The following STK3 variants were observed in gnomAD, a reference collection of about 807,000 sequenced individuals.
STK3 encodes the protein serine/threonine kinase 3.
STK3 carries 41 observed loss-of-function variants against 58.0 expected under a neutral mutation model. That is an observed-to-expected ratio of 0.71 (90% confidence interval 0.55 to 0.92). The LOEUF (loss-of-function observed/expected upper bound fraction) is 0.92, where lower values mean the gene tolerates loss of function less well. STK3 is among the 40% of genes least tolerant of loss of function. The pLI, the probability that STK3 is intolerant of heterozygous loss-of-function variation, is 0.00. For synonymous variants in STK3, 170 were observed against 191.0 expected, an observed-to-expected ratio of 0.89 and a Z score of 0.91; for missense variants, 479 against 602.7, an observed-to-expected ratio of 0.79 and a Z score of 2.15.
At chr8:98,676,037 T>C (rs1823185637) in intron 6 of STK3, among the ~76,000 whole-genome samples, 1 of 152,176 alleles carries the variant, frequency 6.6e-6, no homozygotes. Flanking sequence ...AAAAAGGATA[T>C]GAAATTCTGA....
intron 6 of STK3, among the ~76,000 whole-genome samples, chr8:98,699,209 C>T (rs1041650808): frequency 1.3e-5 from 2 of 151,992 alleles, no homozygotes; most frequent in African/African-American, 4.8e-5. Context: ...GCTTTCAGCT[C>T]CATCAGCTCC....
intron 3 of STK3, among the ~76,000 whole-genome samples, chr8:98,842,086 T>C (rs1016014862): frequency 2.0e-5 from 3 of 152,022 alleles, no homozygotes; most frequent in Admixed American, 6.6e-5. Flanking sequence ...AAGAAAACTA[T>C]ATAAAACCTA....
At chr8:98,757,621 A>T (rs1352431060) in intron 3 of STK3, among the ~76,000 whole-genome samples, 1 of 149,960 alleles carries the variant, frequency 6.7e-6, no homozygotes, top group Non-Finnish European at 1.5e-5. Context: ...AAAAAAGCCT[A>T]CCAATAGGCT....
At chr8:98,764,398 G>GT (rs1404181829) in intron 3 of STK3, among the ~76,000 whole-genome samples, 4 of 152,216 alleles carry the variant, frequency 2.6e-5, no homozygotes, top group Middle Eastern at 6.8e-3. Flanking sequence ...CGCTGAACAG[G>GT]TGCTAATAAA....
At chr8:98,490,461 C>A (rs1181985442) in intron 10 of STK3, among the ~76,000 whole-genome samples, 1 of 152,016 alleles carries the variant, frequency 6.6e-6, no homozygotes, top group Non-Finnish European at 1.5e-5. Context: ...TTTTTCCACC[C>A]CTGACTTTAC....
intron 4 of STK3, chr8:98,722,672 G>C (rs1248985088): frequency 6.3e-6 from 1 of 157,624 alleles, no homozygotes; most frequent in Non-Finnish European, 1.4e-5. Flanking sequence ...ATTACCAAAA[G>C]TAGCTAGATT....
chr8:98,738,478 T>A (rs1828822792), intron 4 of STK3, among the ~76,000 whole-genome samples: 1 of 151,640 alleles, frequency 6.6e-6, no homozygotes, highest in African/African-American at 2.4e-5. Context: ...CGACTCAAAA[T>A]AAAATAAAAA....
At chr8:98,846,353 C>A (rs538909272) in intron 3 of STK3, among the ~76,000 whole-genome samples, 4 of 152,308 alleles carry the variant, frequency 2.6e-5, no homozygotes, top group South Asian at 4.1e-4. Flanking sequence ...ACTCTAGAAA[C>A]AAATGGAAGC....
chr8:98,916,380 C>T (rs1303651235), intron 1 of STK3, among the ~76,000 whole-genome samples: 1 of 152,200 alleles, frequency 6.6e-6, no homozygotes, highest in African/African-American at 2.4e-5. Context: ...CGCCACTGCA[C>T]TCTAGCCTGG....
At chr8:98,658,891 G>C (rs1821750762) in intron 6 of STK3, among the ~76,000 whole-genome samples, 1 of 151,974 alleles carries the variant, frequency 6.6e-6, no homozygotes, top group Non-Finnish European at 1.5e-5. Flanking sequence ...ATATTATATG[G>C]CTTTAGAAAA....
intron 6 of STK3, among the ~76,000 whole-genome samples, chr8:98,672,868 C>A (rs1822930271): frequency 6.6e-6 from 1 of 152,020 alleles, no homozygotes; most frequent in African/African-American, 2.4e-5. Flanking sequence ...CGGGGGCAGT[C>A]ACTAAGAACT....
At chr8:98,908,539 C>T (rs565113513) in intron 1 of STK3, among the ~76,000 whole-genome samples, 127 of 152,164 alleles carry the variant, frequency 8.3e-4, no homozygotes, top group African/African-American at 2.9e-3. Context: ...GGCAACAGAC[C>T]AAGACCTTGT....
chr8:98,550,413 G>A (rs943204346), intron 8 of STK3, among the ~76,000 whole-genome samples: 3 of 152,042 alleles, frequency 2.0e-5, no homozygotes, highest in African/African-American at 7.2e-5. Flanking sequence ...TCTAAAATTT[G>A]ACAGTCCCAA....
At chr8:98,456,072 G>C in intron 10 of STK3, 72 bp from the exon 11 acceptor site, 1 of 1,389,586 alleles carries the variant, frequency 7.2e-7, no homozygotes, top group Non-Finnish European at 9.8e-7. Context: ...AATGAAATTA[G>C]ACTTTAATGT....
intron 1 of STK3, among the ~76,000 whole-genome samples, chr8:98,915,785 T>C (rs1461568571): frequency 6.6e-6 from 1 of 152,038 alleles, no homozygotes; most frequent in Non-Finnish European, 1.5e-5. Flanking sequence ...CCTCCGCCCC[T>C]CCACACACAT....
chr8:98,737,440 C>A (rs1175019515), intron 4 of STK3, among the ~76,000 whole-genome samples: 1 of 152,018 alleles, frequency 6.6e-6, no homozygotes, highest in Non-Finnish European at 1.5e-5. Flanking sequence ...TACAAAATGT[C>A]ACACAGGATT....
At chr8:98,366,633 C>A (rs1180090339), downstream of STK3, among the ~76,000 whole-genome samples, 1 of 152,222 alleles carries the variant, frequency 6.6e-6, no homozygotes, top group Non-Finnish European at 1.5e-5. Flanking sequence ...CCTCCTTTAT[C>A]ATAAACTAAG....
At chr8:98,718,457 T>C (rs748341953) in intron 4 of STK3, among the ~76,000 whole-genome samples, 1 of 152,170 alleles carries the variant, frequency 6.6e-6, no homozygotes, top group Non-Finnish European at 1.5e-5. Flanking sequence ...TCCTTCAGAC[T>C]AGATGGTCTG....
At chr8:98,832,957 TG>T (rs1262200255) in intron 3 of STK3, among the ~76,000 whole-genome samples, 1 of 152,232 alleles carries the variant, frequency 6.6e-6, no homozygotes. Context: ...CTTCCCTACA[TG>T]TCCTATTGGC....
Sources: allele counts gnomAD v4.1 joint callset (sites outside exome capture counted in the v4.1 genomes callset), GRCh38; gene constraint gnomAD v4.1.1; transcripts MANE v1.5; gene names NCBI Gene and HGNC (gene_info 2026-07-23, HGNC 2026-07-21).